Variants in TSPO2 observed in about 807,000 individuals in gnomAD.
The protein encoded by TSPO2 is benzodiazapine receptor (peripheral)-like 1.
TSPO2 carries 15 observed loss-of-function variants against 13.3 expected under a neutral mutation model. That is an observed-to-expected ratio of 1.13 (90% CI 0.75 to 1.73). TSPO2 has a LOEUF of 1.73. TSPO2 is among the 40% of genes most tolerant of loss of function. The pLI is 0.00. For missense variants in TSPO2, 202 were observed against 198.3 expected, an observed-to-expected ratio of 1.02 and a Z score of -0.11; for synonymous variants, 81 against 91.6, an observed-to-expected ratio of 0.88 and a Z score of 0.66.
Position 41,044,217 on chromosome 6 carries a change from C to G in TSPO2, c.*80C>G. 6.7e-7 allele frequency: 1 copy of G among 1,483,304 alleles called. No individual in the cohort carries two copies. The highest frequency in any genetic ancestry group is 9.3e-7 in the Non-Finnish European group (1 of 1,073,078). The allele number at this position is 1,483,304 out of a possible 1,614,324, so 91.9% of individuals were successfully genotyped here. On this transcript the variant is annotated 3_prime_UTR_variant, in exon 4 of 4. Coordinates refer to ENST00000373161, the MANE Select transcript of TSPO2 (RefSeq NM_001010873.3). ...AGCAGGGCTGTGGAGTTAGGGTTCA[C>G]CCCAATGGGACCACCCTCCTGGGTC...
chr6:41,042,227 T>C (rs1762597958), upstream of TSPO2, among the ~76,000 whole-genome samples: 1 of 152,200 alleles, frequency 6.6e-6, no homozygotes, highest in African/African-American at 2.4e-5. Context: ...ACCAGGCAGT[T>C]GTTTCCTTGA....
chr6:41,043,555 A>C lies in TSPO2; in HGVS notation c.174-2A>C. 1 of 1,574,244 alleles carries C rather than the reference A, an allele frequency of 6.4e-7. No homozygotes were observed. The highest frequency in any genetic ancestry group is 8.6e-7 in the Non-Finnish European group (1 of 1,161,928). On this transcript the variant is annotated splice_acceptor_variant, in intron 2 of 3. Coordinates refer to ENST00000373161, the MANE Select transcript of TSPO2 (RefSeq NM_001010873.3). LOFTEE classifies it high-confidence loss of function. ...AATGTTTTTGCCACCATGTCTCCAC[A>C]GCTATGCCTCCTACCTGGTGTGGAA...
chr6:41,043,247 C>T, intron 2 of TSPO2, 89 bp downstream of exon 2: 1 of 1,464,142 alleles, frequency 6.8e-7, no homozygotes, highest in Admixed American at 2.2e-5. Context: ...ATATTGGCCT[C>T]CAAAGGTAGG....
chr6:41,043,007 T>G lies in TSPO2; in HGVS notation c.22T>G (p.Phe8Val), dbSNP rs976792660. 1.3e-5 allele frequency: 21 copies of G among 1,613,958 alleles called. No individual in the cohort carries two copies. The highest frequency in any genetic ancestry group is 1.7e-5 in the Non-Finnish European group (20 of 1,179,982). The change falls in exon 2 of 4, where the codon TTT (phenylalanine) becomes GTT (valine). Residue 8 changes from phenylalanine (F) to valine (V), a missense_variant. By Grantham distance (50) the Phe-to-Val change is conservative. Transcript: ENST00000373161. ...GTGAATGCGGCTTCAAGGGGCTATC[T>G]TTGTGCTCCTGCCCCACCTGGGGCC... MRLQGAI[F>V]VLLPHLGPIL...
chr6:41,043,798 G>T, intron 3 of TSPO2, 100 bp downstream of exon 3: 1 of 1,543,444 alleles, frequency 6.5e-7, no homozygotes, highest in Non-Finnish European at 8.8e-7. Context: ...AGTGCAGGCA[G>T]GTAATGGGTG....
Position 41,043,114 on chromosome 6 carries a change from C to T in TSPO2, c.129C>T (p.Tyr43=). 6.2e-7 allele frequency: 1 copy of T among 1,614,028 alleles called. No homozygotes were observed. Among genetic ancestry groups the T allele is most frequent in the African/African-American group, 1.3e-5 (1 of 75,004 alleles). Residue 43 remains tyrosine, a synonymous_variant, in exon 2 of 4, where the codon TAC becomes TAT. Transcript: ENST00000373161. Reference sequence around the variant, plus strand: ...GGATGCTGTCCTGGTGCCCATTCTACAAAGTCTTATTGCTTGTACAGACAG... The same window carrying T: ...GGATGCTGTCCTGGTGCCCATTCTATAAAGTCTTATTGCTTGTACAGACAG... The part of the protein sequence containing the change: ...GPRMLSWCPF[Y]KVLLLVQTAI...
At chr6:41,043,856 G>A in intron 3 of TSPO2, 84 bp from the exon 4 acceptor site, 1 of 1,549,938 alleles carries the variant, frequency 6.5e-7, no homozygotes, top group Non-Finnish European at 8.8e-7. Flanking sequence ...CCCAGGGACT[G>A]AGCTCGTTGC....
chr6:41,044,283 AG>A lies in TSPO2; in HGVS notation c.*153del, dbSNP rs528541762. The A allele has an allele frequency of 5.7e-6, 4 of 707,720 alleles. No individual in the cohort carries two copies. The highest frequency in any genetic ancestry group is 9.5e-6 in the Non-Finnish European group (4 of 421,622). The allele number at this position is 707,720 out of a possible 1,614,324, so 43.8% of individuals were successfully genotyped here. ...TCCTTAGAAATCAGAGAAATGGGAA[AG>A]GGGGGGAAACTGATTTTACACTTAA... On this transcript the variant is annotated 3_prime_UTR_variant, in exon 4 of 4. Coordinates refer to ENST00000373161, the MANE Select transcript of TSPO2 (RefSeq NM_001010873.3).
chr6:41,043,584 C>T lies in TSPO2; in HGVS notation c.201C>T (p.Asp67=). The change falls in exon 3 of 4, where the codon GAC becomes GAT. Residue 67 remains aspartate, a synonymous_variant. Transcript: ENST00000373161. ...VGYASYLVWK[D]LGGGLGWPLA... ...ATGCCTCCTACCTGGTGTGGAAGGA[C>T]CTGGGAGGGGGCTTGGGGTGGCCCC... 1 of 1,608,658 alleles carries T rather than the reference C, an allele frequency of 6.2e-7. No individual in the cohort carries two copies. The highest frequency in any genetic ancestry group is 1.7e-4 in the Middle Eastern group (1 of 6,030).
chr6:41,043,491 G>T, intron 2 of TSPO2, 66 bp from the exon 3 acceptor site: 1 of 1,523,480 alleles, frequency 6.6e-7, no homozygotes, highest in South Asian at 1.3e-5. Context: ...CCTTATGCCA[G>T]AGAGCCTCCT....
upstream of TSPO2, among the ~76,000 whole-genome samples, chr6:41,042,186 A>G (rs140666255): frequency 2.6e-5 from 4 of 152,314 alleles, no homozygotes; most frequent in East Asian, 7.7e-4. Context: ...ATGCAAAGCA[A>G]CATGCCACCT....
In TSPO2 at chr6:41,043,957, G is replaced by C; in HGVS notation, c.333G>C (p.Leu111=). Residue 111 remains leucine, a synonymous_variant, in exon 4 of 4, where the codon CTG becomes CTC. Coordinates refer to ENST00000373161, the MANE Select transcript of TSPO2 (RefSeq NM_001010873.3). Reference sequence around the variant, plus strand: ...ATGCCCAGGCCCTGCTGCACCTGCTGCTGCTGTATGGGCTGGTGGTGAGCA... The same window carrying C: ...ATGCCCAGGCCCTGCTGCACCTGCTCCTGCTGTATGGGCTGGTGGTGAGCA... ...HNPGLALLHL[L]LLYGLVVSTA... is the part of the protein sequence containing the mutation. 6.2e-7 allele frequency: 1 copy of C among 1,613,806 alleles called. No homozygotes were observed. Among genetic ancestry groups the C allele is most frequent in the Non-Finnish European group, 8.5e-7 (1 of 1,179,904 alleles).
Position 41,043,499 on chromosome 6 carries a change from C to CCTCCATTT in TSPO2, c.174-57_174-50dup, listed in dbSNP as rs897833686. ...CAAGAGTCCTTATGCCAGAGAGCCT[C>CCTCCATTT]CTCCATTTGCCACGGAACCTCCTCC... On this transcript the variant is annotated intron_variant, in intron 2 of 3. Coordinates refer to ENST00000373161, the MANE Select transcript of TSPO2 (RefSeq NM_001010873.3). 73 of 1,528,916 alleles carry CCTCCATTT rather than the reference C, an allele frequency of 4.8e-5. No homozygotes were observed. In the East Asian group the frequency reaches 1.5e-3, roughly 32 times the overall value. 94.7% of individuals were successfully genotyped at this position (1,528,916 alleles called of 1,614,324 possible).
Position 41,042,565 on chromosome 6 carries a change from T to G in TSPO2, c.-234T>G, listed in dbSNP as rs1762603344. 1 of 379,976 alleles carries G rather than the reference T, an allele frequency of 2.6e-6. No homozygotes were observed. Among genetic ancestry groups the G allele is most frequent in the African/African-American group, 2.1e-5 (1 of 47,544 alleles). 23.5% of individuals were successfully genotyped at this position (379,976 alleles called of 1,614,324 possible). On this transcript the variant is annotated 5_prime_UTR_variant, in exon 1 of 4. Transcript: ENST00000373161. ...TTCCAGGTTGGTAGATCAGCTTAGG[T>G]AGAACAGTTCTCGGTGAGGGCCAGC...
intron 3 of TSPO2, 93 bp downstream of exon 3, chr6:41,043,791 G>A: frequency 6.4e-7 from 1 of 1,551,546 alleles, no homozygotes; most frequent in Non-Finnish European, 8.8e-7. Context: ...GCAATTGAGT[G>A]CAGGCAGGTA....
At chr6:41,043,521 C>T (rs770578354) in intron 2 of TSPO2, 36 bp from the exon 3 acceptor site, 1 of 1,545,230 alleles carries the variant, frequency 6.5e-7, no homozygotes, top group East Asian at 2.3e-5. Flanking sequence ...ACGGAACCTC[C>T]TCCCACTGAA....
chr6:41,043,248 C>T, intron 2 of TSPO2, 90 bp downstream of exon 2: 2 of 1,454,618 alleles, frequency 1.4e-6, no homozygotes, highest in South Asian at 2.7e-5. Flanking sequence ...TATTGGCCTC[C>T]AAAGGTAGGC....
At position 41,042,571 on chromosome 6, in the gene TSPO2, A is replaced by T. The variant is rs1762603499; in HGVS notation, c.-228A>T. On this transcript the variant is annotated 5_prime_UTR_variant, in exon 1 of 4. Coordinates refer to ENST00000373161, the MANE Select transcript of TSPO2 (RefSeq NM_001010873.3). ...GTTGGTAGATCAGCTTAGGTAGAACAGTTCTCGGTGAGGGCCAGCTACATA... is the reference window on the plus strand; with the variant it reads ...GTTGGTAGATCAGCTTAGGTAGAACTGTTCTCGGTGAGGGCCAGCTACATA... 1 of 383,246 alleles carries T rather than the reference A, an allele frequency of 2.6e-6. No individual in the cohort carries two copies. Among genetic ancestry groups the T allele is most frequent in the Non-Finnish European group, 5.2e-6 (1 of 193,382 alleles). 23.7% of individuals were successfully genotyped at this position (383,246 alleles called of 1,614,324 possible).
Position 41,042,781 on chromosome 6 carries a change from G to A in TSPO2, c.-21+3G>A, listed in dbSNP as rs1359472117. On this transcript the variant is annotated splice_donor_region_variant and intron_variant, in intron 1 of 3. Transcript: ENST00000373161. ...ATGGAAGCCAGGAGATGGGCAAGGT[G>A]TGGCCTGGGGTTGGAGAGAGCTCAG... 1.4e-6 allele frequency: 1 copy of A among 703,658 alleles called. No homozygotes were observed. Among genetic ancestry groups the A allele is most frequent in the Non-Finnish European group, 2.6e-6 (1 of 387,324 alleles). 43.6% of individuals were successfully genotyped at this position (703,658 alleles called of 1,614,324 possible). A position where few individuals can be genotyped will look rare whatever the true frequency, so the allele number is the denominator to read the frequency against.
Sources: gnomAD v4.1 joint callset for allele counts (sites outside exome capture counted in the v4.1 genomes callset) on GRCh38, gnomAD v4.1.1 for gene constraint, MANE v1.5 for transcripts, NCBI Gene and HGNC (gene_info 2026-07-23, HGNC 2026-07-21) for gene names.